Variants in NCOA5 observed in about 807,000 individuals in gnomAD.
The protein encoded by NCOA5 is NCoA-5.
NCOA5 carries 12 observed loss-of-function variants against 59.0 expected under a neutral mutation model. The observed-to-expected ratio is 0.20, with a 90% CI of 0.13 to 0.33. The LOEUF is 0.33. NCOA5 is among the 10% of genes least tolerant of loss of function. The pLI is 1.00. For missense variants in NCOA5, 655 were observed against 766.6 expected, an observed-to-expected ratio of 0.85 and a Z score of 1.72; for synonymous variants, 270 against 275.5, an observed-to-expected ratio of 0.98 and a Z score of 0.20.
chr20:46,073,822 A>G (rs2084909124), intron 2 of NCOA5, among the ~76,000 whole-genome samples: 2 of 152,222 alleles, frequency 1.3e-5, no homozygotes, highest in Admixed American at 1.3e-4. Context: ...CTTACCTGTC[A>G]AAGTCCATCC....
intron 3 of NCOA5, among the ~76,000 whole-genome samples, chr20:46,069,797 T>C (rs969268410): frequency 6.6e-6 from 1 of 152,220 alleles, no homozygotes; most frequent in Non-Finnish European, 1.5e-5. Context: ...CTTTTGGTTA[T>C]TGTGAATAGT....
intron 4 of NCOA5, 135 bp from the exon 5 acceptor site, chr20:46,067,316 T>G: frequency 9.5e-7 from 1 of 1,057,998 alleles, no homozygotes; most frequent in East Asian, 2.7e-5. Flanking sequence ...AGTATTAATA[T>G]TTTTTACTAT....
chr20:46,066,882 T>G (rs945438160), intron 5 of NCOA5, among the ~76,000 whole-genome samples, 173 bp downstream of exon 5: 1 of 152,234 alleles, frequency 6.6e-6, no homozygotes, highest in Non-Finnish European at 1.5e-5. Flanking sequence ...ATGTCCCTTT[T>G]GGCCTCAATT....
intron 4 of NCOA5, 109 bp from the exon 5 acceptor site, chr20:46,067,290 T>C: frequency 2.3e-6 from 3 of 1,313,428 alleles, no homozygotes; most frequent in Non-Finnish European, 3.1e-6. Flanking sequence ...CTCTGGTCTA[T>C]CTCCTAAAAA....
At position 46,062,057 on chromosome 20, in the gene NCOA5, C is replaced by T. The variant is rs2084770880; in HGVS notation, c.*243G>A. The T allele has an allele frequency of 2.5e-6, 1 of 401,670 alleles. No homozygotes were observed. Among genetic ancestry groups the T allele is most frequent in the Admixed American group, 4.0e-5 (1 of 25,146 alleles). The allele number at this position is 401,670 out of a possible 1,614,324, so 24.9% of individuals were successfully genotyped here. A position where few individuals can be genotyped will look rare whatever the true frequency, so the allele number is the denominator to read the frequency against. ...ACAAGCCCAGACACCTGTACTGCCC[C>T]CGGAGATATTTATTTTCTACAAAAC... On this transcript the variant is annotated 3_prime_UTR_variant, in exon 8 of 8. Transcript: ENST00000290231.
At position 46,089,803 on chromosome 20, in the gene NCOA5, T is replaced by G. The variant is rs2145561893; in HGVS notation, c.-30+14A>C. 1 of 152,088 alleles carries G rather than the reference T, an allele frequency of 6.6e-6. No homozygotes were observed. Among genetic ancestry groups the G allele is most frequent in the African/African-American group, 2.4e-5 (1 of 41,534 alleles). The allele number at this position is 152,088 out of a possible 1,614,324, so 9.4% of individuals were successfully genotyped here. On this transcript the variant is annotated intron_variant, in intron 1 of 7. Transcript: ENST00000290231. ...CCACGCCTCGGCTGACGGCCAGCGC[T>G]TCCCGGCACTCACCGCTACCAGCGC...
intron 3 of NCOA5, among the ~76,000 whole-genome samples, chr20:46,068,870 C>T (rs923691235): frequency 6.6e-6 from 1 of 152,186 alleles, no homozygotes; most frequent in Non-Finnish European, 1.5e-5. Flanking sequence ...ATTATTGATA[C>T]TAGTTTTGAG....
At chr20:46,064,296 G>A (rs562783416) in intron 6 of NCOA5, among the ~76,000 whole-genome samples, 12 of 152,340 alleles carry the variant, frequency 7.9e-5, no homozygotes, top group African/African-American at 2.6e-4. Context: ...TAATTGTATG[G>A]TTATGAGGGT....
At chr20:46,073,608 T>C (rs779673391) in intron 2 of NCOA5, among the ~76,000 whole-genome samples, 1 of 152,206 alleles carries the variant, frequency 6.6e-6, no homozygotes, top group African/African-American at 2.4e-5. Flanking sequence ...AAGTAGTCAT[T>C]AGAGGTGGAA....
chr20:46,077,641 A>G (rs1219668809), intron 2 of NCOA5, among the ~76,000 whole-genome samples: 1 of 152,190 alleles, frequency 6.6e-6, no homozygotes, highest in Non-Finnish European at 1.5e-5. Flanking sequence ...AGTGTCTTTT[A>G]TAGTTACAAA....
Position 46,068,986 on chromosome 20 carries a change from T to A in NCOA5, c.366-348A>T, listed in dbSNP as rs192027462. On this transcript the variant is annotated intron_variant, in intron 3 of 7. Coordinates refer to ENST00000290231, the MANE Select transcript of NCOA5 (RefSeq NM_020967.3). ...TTTATTATTATTATTATTTTTTTTT[T>A]AGTAGAGATGGAGTTTTGCCATGTT... Among the ~76,000 whole-genome samples, 562 of 152,238 alleles carry A rather than the reference T, an allele frequency of 3.7e-3. 1 individual carries two copies. The highest frequency in any genetic ancestry group is 5.3e-3 in the Non-Finnish European group (359 of 68,016).
At chr20:46,068,319 T>TA (rs1040863509) in intron 4 of NCOA5, among the ~76,000 whole-genome samples, 183 bp downstream of exon 4, 11 of 152,368 alleles carry the variant, frequency 7.2e-5, no homozygotes, top group African/African-American at 2.6e-4. Flanking sequence ...ATTTGCATCT[T>TA]AAAAATCATT....
intron 5 of NCOA5, 33 bp from the exon 6 acceptor site, chr20:46,065,261 C>G: frequency 2.5e-6 from 4 of 1,605,024 alleles, no homozygotes; most frequent in Middle Eastern, 1.7e-4. Flanking sequence ...GGTGAGCGAC[C>G]AACTCCAAAT....
At chr20:46,089,619 G>A (rs539332433) in intron 1 of NCOA5, among the ~76,000 whole-genome samples, 198 bp downstream of exon 1, 3 of 152,048 alleles carry the variant, frequency 2.0e-5, no homozygotes, top group African/African-American at 4.8e-5. Context: ...GCCGGGCCTG[G>A]GCCTGACGGG....
At position 46,065,130 on chromosome 20, in the gene NCOA5, T is replaced by A. The variant is rs2084808557; in HGVS notation, c.728A>T (p.Glu243Val). 1.2e-6 allele frequency: 2 copies of A among 1,614,204 alleles called. No individual in the cohort carries two copies. The highest frequency in any genetic ancestry group is 4.5e-5 in the East Asian group (2 of 44,892). ...NTEVSLSQAL[E>V]DVSRGGSPFA... ...AGGAGAACCTCCCCTGCTAACATCC[T>A]CCAAGGCTTGTGACAGTGACACTTC... The change falls in exon 6 of 8, where the codon GAG becomes GTG. Residue 243 changes from glutamate to valine, a missense_variant. Coordinates refer to ENST00000290231, the MANE Select transcript of NCOA5 (RefSeq NM_020967.3).
chr20:46,089,844 G>C lies in NCOA5; in HGVS notation c.-57C>G, dbSNP rs2085084024. ...CTACCAGCGCGGCGGGCTCCCGGCC[G>C]CTCCTTCGCCTCAGGCCCGCCGCTG... On this transcript the variant is annotated 5_prime_UTR_variant, in exon 1 of 8. Transcript: ENST00000290231. 6.6e-6 allele frequency: 1 copy of C among 152,166 alleles called. No individual in the cohort carries two copies. The highest frequency in any genetic ancestry group is 1.5e-5 in the Non-Finnish European group (1 of 68,056). The allele number at this position is 152,166 out of a possible 1,614,324, so 9.4% of individuals were successfully genotyped here. A position where few individuals can be genotyped will look rare whatever the true frequency, so the allele number is the denominator to read the frequency against.
chr20:46,076,417 T>A (rs1006348643), intron 2 of NCOA5, among the ~76,000 whole-genome samples: 1 of 152,212 alleles, frequency 6.6e-6, no homozygotes, highest in Non-Finnish European at 1.5e-5. Context: ...TCTTTGCAAT[T>A]TATGTCTGCC....
In NCOA5 at chr20:46,061,038, C is replaced by G. The variant is rs1355275881; in HGVS notation, c.*1262G>C. On this transcript the variant is annotated 3_prime_UTR_variant, in exon 8 of 8. Transcript: ENST00000290231. ...TAATCATTTCATTTTATTAACAACA[C>G]AAGAGTTCCAAAGAGGAAAAAAAAA... The G allele has an allele frequency of 6.6e-6, 1 of 151,880 alleles. No individual in the cohort carries two copies. Among genetic ancestry groups the G allele is most frequent in the African/African-American group, 2.4e-5 (1 of 41,322 alleles). 9.4% of individuals were successfully genotyped at this position (151,880 alleles called of 1,614,324 possible). A position where few individuals can be genotyped will look rare whatever the true frequency, so the allele number is the denominator to read the frequency against.
intron 1 of NCOA5, among the ~76,000 whole-genome samples, chr20:46,087,465 T>C (rs1390179049): frequency 3.3e-5 from 5 of 152,216 alleles, no homozygotes; most frequent in Non-Finnish European, 5.9e-5. Context: ...TTTCCAAAAA[T>C]TGTTTATTCT....
Sources: allele counts gnomAD v4.1 joint callset (sites outside exome capture counted in the v4.1 genomes callset), GRCh38; gene constraint gnomAD v4.1.1; transcripts MANE v1.5; gene names NCBI Gene and HGNC (gene_info 2026-07-23, HGNC 2026-07-21).